CHL1: variants seen among roughly 807,000 people sequenced by gnomAD.
The protein encoded by CHL1 is cell adhesion molecule L1 like.
Under a neutral mutation model 141.9 loss-of-function variants are expected in CHL1, and 96 were observed. The ratio of observed to expected loss-of-function variants is 0.68; its 90% CI spans 0.57 to 0.80. The LOEUF is 0.80. CHL1 is among the 30% of genes least tolerant of loss of function. CHL1 has a pLI of 0.00. For synonymous variants in CHL1, 613 were observed against 502.2 expected (o/e 1.22, Z -2.95); for missense variants, 1,820 against 1,457.2 (o/e 1.25, Z -4.05).
chr3:315,269 G>A (rs144316005), intron 2 of CHL1, among the ~76,000 whole-genome samples: 14 of 152,176 alleles, frequency 9.2e-5, no homozygotes, highest in Admixed American at 2.0e-4. Context: ...GAGCAGGCTG[G>A]GTAAACTGCC....
At chr3:320,388 G>A (rs549324712) in intron 3 of CHL1, among the ~76,000 whole-genome samples, 3 of 152,100 alleles carry the variant, frequency 2.0e-5, no homozygotes, top group Admixed American at 2.0e-4. Context: ...TATATAGTGT[G>A]AATTCATATT....
intron 1 of CHL1, among the ~76,000 whole-genome samples, chr3:230,620 G>A (rs767401080): frequency 9.2e-5 from 14 of 152,032 alleles, no homozygotes; most frequent in Non-Finnish European, 1.9e-4. Flanking sequence ...TGACACTAAG[G>A]AAGTAATTTA....
At chr3:283,053 A>G (rs1696806536) in intron 2 of CHL1, among the ~76,000 whole-genome samples, 1 of 152,134 alleles carries the variant, frequency 6.6e-6, no homozygotes, top group African/African-American at 2.4e-5. Flanking sequence ...CTGCCTAATC[A>G]CATGCAGAAC....
At chr3:360,171 G>A in intron 11 of CHL1, 113 bp from the exon 12 acceptor site, 5 of 1,151,372 alleles carry the variant, frequency 4.3e-6, no homozygotes, top group Non-Finnish European at 6.0e-6. Context: ...TGAACTATTA[G>A]TCACCCTAAA....
chr3:232,880 C>T (rs529064844), intron 1 of CHL1, among the ~76,000 whole-genome samples: 11 of 152,224 alleles, frequency 7.2e-5, no homozygotes, highest in African/African-American at 9.6e-5. Flanking sequence ...TCTGTTACTC[C>T]ACTTCCTTTT....
chr3:319,630 T>C, intron 2 of CHL1, 53 bp from the exon 3 acceptor site: 1 of 538,984 alleles, frequency 1.9e-6, no homozygotes, highest in Non-Finnish European at 3.3e-6. Context: ...TAATTTGTTC[T>C]GTTGAAATTT....
intron 2 of CHL1, among the ~76,000 whole-genome samples, chr3:319,165 A>G (rs181259273): frequency 6.6e-6 from 1 of 152,028 alleles, no homozygotes; most frequent in Non-Finnish European, 1.5e-5. Flanking sequence ...AAAGATAAGA[A>G]TAATAGAATA....
chr3:337,836 T>G (rs1702030328), intron 5 of CHL1, among the ~76,000 whole-genome samples: 1 of 152,192 alleles, frequency 6.6e-6, no homozygotes, highest in Admixed American at 6.5e-5. Context: ...TAAACATATG[T>G]GTGCATGTGT....
At chr3:380,718 A>G (rs1706924764) in intron 16 of CHL1, among the ~76,000 whole-genome samples, 1 of 152,232 alleles carries the variant, frequency 6.6e-6, no homozygotes, top group African/African-American at 2.4e-5. Context: ...ATTGTTATCA[A>G]TAATGATAAA....
intron 5 of CHL1, among the ~76,000 whole-genome samples, chr3:334,608 A>T (rs1469366169): frequency 6.6e-6 from 1 of 152,236 alleles, no homozygotes; most frequent in Non-Finnish European, 1.5e-5. Flanking sequence ...ATATATCAGT[A>T]GTTTATTTCT....
At chr3:197,403 C>G (rs1698426444) in intron 1 of CHL1, 1 of 154,382 alleles carries the variant, frequency 6.5e-6, no homozygotes, top group Non-Finnish European at 1.4e-5. Context: ...CCTCCGCCAC[C>G]CCATCCCTCG....
At chr3:255,985 A>G (rs550419832) in intron 2 of CHL1, among the ~76,000 whole-genome samples, 1 of 152,276 alleles carries the variant, frequency 6.6e-6, no homozygotes, top group East Asian at 1.9e-4. Flanking sequence ...CACACTTTCA[A>G]CTTTCTAAAA....
chr3:303,735 G>A (rs894722212), intron 2 of CHL1, among the ~76,000 whole-genome samples: 1 of 152,142 alleles, frequency 6.6e-6, no homozygotes, highest in Non-Finnish European at 1.5e-5. Context: ...TTGCCTGATT[G>A]CCCTGGCCGG....
Position 217,913 on chromosome 3 carries a change from C to T in CHL1, c.-175+20850C>T, listed in dbSNP as rs138390459. 1.0e-3 allele frequency among the ~76,000 whole-genome samples: 155 copies of T among 152,088 alleles called. 1 individual carries two copies. In the South Asian group the frequency reaches 0.021, roughly 21 times the overall value. On this transcript the variant is annotated intron_variant, in intron 1 of 27. Transcript: ENST00000256509. ...TGGAGAGGAGGACCAGTTGGTATTC[C>T]GCAAGGGAGATAAGAACAGCTTAGG...
intron 1 of CHL1, among the ~76,000 whole-genome samples, chr3:215,345 G>C (rs780064495): frequency 3.3e-5 from 5 of 152,188 alleles, no homozygotes; most frequent in African/African-American, 4.8e-5. Flanking sequence ...TCACTCATTT[G>C]TGGAGTCTGA....
intron 11 of CHL1, among the ~76,000 whole-genome samples, chr3:358,806 T>A (rs1703945573): frequency 6.6e-6 from 1 of 151,908 alleles, no homozygotes; most frequent in African/African-American, 2.4e-5. Context: ...AAGCTTAGTA[T>A]AGTCATTATC....
intron 1 of CHL1, among the ~76,000 whole-genome samples, chr3:235,492 T>C (rs893721958): frequency 6.6e-6 from 1 of 152,322 alleles, no homozygotes; most frequent in East Asian, 1.9e-4. Flanking sequence ...TATCCCATTA[T>C]CATTACCAAA....
chr3:366,678 T>A (rs959051682), intron 15 of CHL1, among the ~76,000 whole-genome samples: 1 of 140,658 alleles, frequency 7.1e-6, no homozygotes, highest in Non-Finnish European at 1.5e-5. Context: ...TGGGCTTGGA[T>A]GGTTGCAAAA....
Position 401,683 on chromosome 3 carries a change from C to A in CHL1, c.3443C>A (p.Thr1148Asn), listed in dbSNP as rs1709147898. The A allele has an allele frequency of 4.4e-6, 7 of 1,583,744 alleles. No individual in the cohort carries two copies. In the East Asian group the frequency reaches 1.4e-4, roughly 31 times the overall value. Reference sequence around the variant, plus strand: ...GAAATTCAGTCAGTAAAAGATGAAACCTTTGGTGAATACAGGTAAACATAA... The same window carrying A: ...GAAATTCAGTCAGTAAAAGATGAAAACTTTGGTGAATACAGGTAAACATAA... ...DPEIQSVKDE[T>N]FGEYSDSDEK... The change falls in exon 27 of 28, where the codon ACC becomes AAC. Residue 1148 changes from threonine to asparagine, a missense_variant. Transcript: ENST00000256509.
Sources: gnomAD v4.1 joint callset for allele counts (sites outside exome capture counted in the v4.1 genomes callset) on GRCh38, gnomAD v4.1.1 for gene constraint, MANE v1.5 for transcripts, NCBI Gene and HGNC (gene_info 2026-07-23, HGNC 2026-07-21) for gene names.